FXN: variants seen among roughly 807,000 people sequenced by gnomAD.
The protein encoded by FXN is frataxin.
A neutral mutation model predicts 22.4 loss-of-function variants in FXN; 14 were observed. That is an observed-to-expected ratio of 0.62 (90% CI 0.41 to 0.98). FXN has a LOEUF of 0.98. Among genes scored for constraint, FXN ranks in the 50% least tolerant of loss-of-function variants. FXN has a pLI of 0.00. For missense variants in FXN, 267 were observed against 268.4 expected (o/e 0.99, Z 0.04); for synonymous variants, 120 against 114.1 (o/e 1.05, Z -0.33).
Position 69,074,474 on chromosome 9 carries a change from C to G in FXN, c.*1712C>G. 1.0e-6 allele frequency: 1 copy of G among 977,436 alleles called. No individual in the cohort carries two copies. Among genetic ancestry groups the G allele is most frequent in the Non-Finnish European group, 1.2e-6 (1 of 825,212 alleles). The allele number at this position is 977,436 out of a possible 1,614,324, so 60.5% of individuals were successfully genotyped here. A position where few individuals can be genotyped will look rare whatever the true frequency, so the allele number is the denominator to read the frequency against. Reference sequence around the variant, plus strand: ...GCTTGACCCCAGGCGGAGGAGGTTACAGTGAGTCGAGATCGTACCTGAGCG... The same window carrying G: ...GCTTGACCCCAGGCGGAGGAGGTTAGAGTGAGTCGAGATCGTACCTGAGCG... On this transcript the variant is annotated 3_prime_UTR_variant, in exon 5 of 5. Coordinates refer to ENST00000484259, the MANE Select transcript of FXN (RefSeq NM_000144.5).
chr9:69,074,642 A>G lies in FXN; in HGVS notation c.*1880A>G. On this transcript the variant is annotated 3_prime_UTR_variant, in exon 5 of 5. Coordinates refer to ENST00000484259, the MANE Select transcript of FXN (RefSeq NM_000144.5). ...AAGCTGGGAGCAGTGGCATATACCT[A>G]TAGTCCCAGCTGCACAGGAGGCTGA... The G allele has an allele frequency of 1.0e-6, 1 of 984,650 alleles. No individual in the cohort carries two copies. Among genetic ancestry groups the G allele is most frequent in the African/African-American group, 1.7e-5 (1 of 57,268 alleles). The allele number at this position is 984,650 out of a possible 1,614,324, so 61.0% of individuals were successfully genotyped here.
Position 69,075,901 on chromosome 9 carries a change from C to T in FXN, c.*3139C>T. On this transcript the variant is annotated 3_prime_UTR_variant, in exon 5 of 5. Transcript: ENST00000484259. Reference sequence around the variant, plus strand: ...TGTATTTTTTGTAGAGATGGGGTTTCACCATGTTGCCCAGGCTGGTCTCTA... The same window carrying T: ...TGTATTTTTTGTAGAGATGGGGTTTTACCATGTTGCCCAGGCTGGTCTCTA... 1.7e-6 allele frequency: 1 copy of T among 579,696 alleles called. No individual in the cohort carries two copies. The highest frequency in any genetic ancestry group is 2.2e-6 in the Non-Finnish European group (1 of 460,256). 35.9% of individuals were successfully genotyped at this position (579,696 alleles called of 1,614,324 possible). A position where few individuals can be genotyped will look rare whatever the true frequency, so the allele number is the denominator to read the frequency against.
At chr9:69,070,843 AT>A (rs1176534348) in intron 4 of FXN, among the ~76,000 whole-genome samples, 1 of 149,144 alleles carries the variant, frequency 6.7e-6, no homozygotes, top group East Asian at 1.9e-4. Context: ...ATTAAAAATA[AT>A]TTTTTTTGTC....
chr9:69,060,458 C>G (rs1021013423), intron 3 of FXN, among the ~76,000 whole-genome samples: 1 of 152,008 alleles, frequency 6.6e-6, no homozygotes, highest in Non-Finnish European at 1.5e-5. Flanking sequence ...CATATTTTGA[C>G]TATTCCCCCT....
intron 2 of FXN, among the ~76,000 whole-genome samples, chr9:69,048,290 G>A (rs1831795246): frequency 2.0e-5 from 3 of 152,180 alleles, no homozygotes; most frequent in Non-Finnish European, 2.9e-5. Context: ...GGCTCAATGG[G>A]AAGTCTTTGC....
rs181501338 is a variant in FXN at position 69,051,032 on chromosome 9, G to A, written c.264-2108G>A. On this transcript the variant is annotated intron_variant, in intron 2 of 4. Coordinates refer to ENST00000484259, the MANE Select transcript of FXN (RefSeq NM_000144.5). ...TAACCTCAGGTGATCCGCCCGCCTCGGCCTCCCGAAGTGCTGGGATTACAG... is the reference window on the plus strand; with the variant it reads ...TAACCTCAGGTGATCCGCCCGCCTCAGCCTCCCGAAGTGCTGGGATTACAG... Among the ~76,000 whole-genome samples, 335 of 152,156 alleles carry A rather than the reference G, an allele frequency of 2.2e-3. 4 individuals are homozygous for A. The highest frequency in any genetic ancestry group is 7.3e-3 in the African/African-American group (304 of 41,524).
At chr9:69,055,948 A>G (rs1477185049) in intron 3 of FXN, among the ~76,000 whole-genome samples, 1 of 152,132 alleles carries the variant, frequency 6.6e-6, no homozygotes, top group Non-Finnish European at 1.5e-5. Context: ...CAGTGGCACA[A>G]TCATAGCTCA....
intron 3 of FXN, among the ~76,000 whole-genome samples, chr9:69,064,554 T>C (rs1229384420): frequency 1.3e-5 from 2 of 152,200 alleles, no homozygotes; most frequent in Non-Finnish European, 2.9e-5. Flanking sequence ...AGTTAGAGTC[T>C]GCATTTTTTT....
chr9:69,056,460 C>G (rs189643573), intron 3 of FXN, among the ~76,000 whole-genome samples: 158 of 152,326 alleles, frequency 1.0e-3, no homozygotes, highest in Admixed American at 2.2e-3. Flanking sequence ...AGAAACTTAA[C>G]ACTAACATGT....
intron 3 of FXN, among the ~76,000 whole-genome samples, 168 bp downstream of exon 3, chr9:69,053,428 GCCA>G (rs1326136344): frequency 6.6e-6 from 1 of 151,818 alleles, no homozygotes; most frequent in Non-Finnish European, 1.5e-5. Flanking sequence ...CCAAAATCAC[GCCA>G]CTGCACTCCA....
Position 69,078,732 on chromosome 9 carries a change from C to T in FXN, c.*5970C>T. On this transcript the variant is annotated 3_prime_UTR_variant, in exon 5 of 5. Coordinates refer to ENST00000484259, the MANE Select transcript of FXN (RefSeq NM_000144.5). ...TGGCCAGTGCTGTTTCCATTTTGGT[C>T]TTTATTCCCCACATCTCTGCCTGGG... is the stretch of plus-strand genomic sequence containing the variant. The T allele has an allele frequency of 1.0e-6, 1 of 985,618 alleles. No individual in the cohort carries two copies. The highest frequency in any genetic ancestry group is 1.2e-6 in the Non-Finnish European group (1 of 829,984). The allele number at this position is 985,618 out of a possible 1,614,324, so 61.1% of individuals were successfully genotyped here.
intron 2 of FXN, among the ~76,000 whole-genome samples, chr9:69,051,248 G>A (rs902654114): frequency 1.3e-5 from 2 of 152,146 alleles, no homozygotes; most frequent in African/African-American, 4.8e-5. Flanking sequence ...ACAGGCATGG[G>A]CCATGCCCAG....
chr9:69,053,046 A>G lies in FXN; in HGVS notation c.264-94A>G, dbSNP rs1042953045. Reference sequence around the variant, plus strand: ...TACTTTTTACATGTTATTTTCATCAATTTAATGAATTTAAATAACAAATGT... The same window carrying G: ...TACTTTTTACATGTTATTTTCATCAGTTTAATGAATTTAAATAACAAATGT... On this transcript the variant is annotated intron_variant, in intron 2 of 4. Coordinates refer to ENST00000484259, the MANE Select transcript of FXN (RefSeq NM_000144.5). The G allele has an allele frequency of 3.0e-5, 39 of 1,317,970 alleles. No individual in the cohort carries two copies. The African/African-American group carries it at 3.3e-4, about 11-fold the overall frequency. 81.6% of individuals were successfully genotyped at this position (1,317,970 alleles called of 1,614,324 possible). A position where few individuals can be genotyped will look rare whatever the true frequency, so the allele number is the denominator to read the frequency against.
chr9:69,076,318 C>T lies in FXN; in HGVS notation c.*3556C>T. 2 of 984,742 alleles carry T rather than the reference C, an allele frequency of 2.0e-6. No homozygotes were observed. Among genetic ancestry groups the T allele is most frequent in the South Asian group, 9.4e-5 (2 of 21,268 alleles). 61.0% of individuals were successfully genotyped at this position (984,742 alleles called of 1,614,324 possible). ...GATGTGAGAAGTACTCAGTTCATGA[C>T]AACTGTTGTTCTCACATGCATAGCA... On this transcript the variant is annotated 3_prime_UTR_variant, in exon 5 of 5. Coordinates refer to ENST00000484259, the MANE Select transcript of FXN (RefSeq NM_000144.5).
chr9:69,049,502 C>T (rs189408822), intron 2 of FXN, among the ~76,000 whole-genome samples: 1 of 152,192 alleles, frequency 6.6e-6, no homozygotes, highest in African/African-American at 2.4e-5. Context: ...GTCTAGCAGC[C>T]CCTGGTGTCT....
At position 69,077,200 on chromosome 9, in the gene FXN, C is replaced by T. The variant is rs1832386933; in HGVS notation, c.*4438C>T. ...GTGCTGGGATTACAGGCGTGAGCCA[C>T]TGCACCCAGCCAGAAATGCCTTCTA... On this transcript the variant is annotated 3_prime_UTR_variant, in exon 5 of 5. Transcript: ENST00000484259. 1.9e-5 allele frequency: 19 copies of T among 983,334 alleles called. No homozygotes were observed. Among genetic ancestry groups the T allele is most frequent in the Non-Finnish European group, 2.2e-5 (18 of 828,132 alleles). 60.9% of individuals were successfully genotyped at this position (983,334 alleles called of 1,614,324 possible).
intron 1 of FXN, among the ~76,000 whole-genome samples, chr9:69,042,562 A>G (rs909229186): frequency 2.0e-5 from 3 of 152,222 alleles, no homozygotes; most frequent in African/African-American, 7.2e-5. Context: ...ATATAAAGCA[A>G]GGAGTATTTG....
chr9:69,037,337 G>C (rs1359128370), intron 1 of FXN, among the ~76,000 whole-genome samples: 1 of 145,866 alleles, frequency 6.9e-6, no homozygotes, highest in African/African-American at 2.5e-5. Context: ...GTGGTGTCGC[G>C]CGCCTGTAAT....
At chr9:69,064,866 A>G (rs1832140493) in intron 3 of FXN, 72 bp from the exon 4 acceptor site, 4 of 845,668 alleles carry the variant, frequency 4.7e-6, no homozygotes, top group Non-Finnish European at 8.2e-6. Context: ...TAAAACATGA[A>G]GCAATGATGA....
Sources: allele counts gnomAD v4.1 joint callset (sites outside exome capture counted in the v4.1 genomes callset), GRCh38; gene constraint gnomAD v4.1.1; transcripts MANE v1.5; gene names NCBI Gene and HGNC (gene_info 2026-07-23, HGNC 2026-07-21).